Variants in SH3BGRL2 observed in about 807,000 individuals in gnomAD.
SH3BGRL2 encodes the protein SH3 domain-binding glutamic acid-rich-like protein 2.
In SH3BGRL2, 21 loss-of-function variants were observed where a neutral mutation model predicts 14.8. The ratio of observed to expected loss-of-function variants is 1.42; its 90% CI spans 1.01 to 2.05. The LOEUF is 2.05. Ranked by LOEUF, SH3BGRL2 falls within the 30% of genes most tolerant of loss-of-function variation. The probability of loss-of-function intolerance (pLI) is 0.00; values close to 1 mark genes in which losing one functional copy is unlikely to be tolerated. For synonymous variants in SH3BGRL2, 50 were observed against 47.8 expected (o/e 1.05, Z -0.19); for missense variants, 147 against 130.8 (o/e 1.12, Z -0.61).
intron 2 of SH3BGRL2, among the ~76,000 whole-genome samples, chr6:79,686,386 C>T (rs989826365): frequency 6.6e-6 from 1 of 151,714 alleles, no homozygotes; most frequent in African/African-American, 2.4e-5. Flanking sequence ...TGAAGTTTTA[C>T]TCTTATGTTC....
the SH3BGRL2 span, among the ~76,000 whole-genome samples, chr6:79,624,611 A>T: frequency 2.0e-5 from 3 of 152,028 alleles, no homozygotes; most frequent in African/African-American, 7.2e-5. Context: ...GAGTGAACAT[A>T]GCTGCAAGAA....
the SH3BGRL2 span, among the ~76,000 whole-genome samples, chr6:79,614,629 G>GTAT: frequency 1.2e-3 from 186 of 152,262 alleles, 1 homozygote; most frequent in Non-Finnish European, 2.2e-4. Context: ...TGCTGCCACA[G>GTAT]TATTATAGAC....
the SH3BGRL2 span, among the ~76,000 whole-genome samples, chr6:79,550,709 A>T: frequency 6.6e-6 from 1 of 152,156 alleles, no homozygotes; most frequent in Non-Finnish European, 1.5e-5. Context: ...GTTAGTGCAG[A>T]GTATGATCAG....
chr6:79,562,865 A>C, the SH3BGRL2 span, among the ~76,000 whole-genome samples: 1 of 152,224 alleles, frequency 6.6e-6, no homozygotes, highest in African/African-American at 2.4e-5. Flanking sequence ...AAAGTTTACA[A>C]ATTTGTGCTG....
chr6:79,549,871 T>A, the SH3BGRL2 span, among the ~76,000 whole-genome samples: 1 of 152,244 alleles, frequency 6.6e-6, no homozygotes, highest in African/African-American at 2.4e-5. Flanking sequence ...AGTGGGCTAC[T>A]GACAAAAATG....
chr6:79,596,401 C>A, the SH3BGRL2 span, among the ~76,000 whole-genome samples: 1 of 152,162 alleles, frequency 6.6e-6, no homozygotes, highest in African/African-American at 2.4e-5. Context: ...CTCAAACGAT[C>A]ATCCCACCTC....
intron 1 of SH3BGRL2, among the ~76,000 whole-genome samples, chr6:79,653,695 G>T (rs1769348755): frequency 6.6e-6 from 1 of 152,150 alleles, no homozygotes; most frequent in African/African-American, 2.4e-5. Context: ...AAAGAGATGG[G>T]GTATGGAAAA....
At chr6:79,597,005 G>T in the SH3BGRL2 span, among the ~76,000 whole-genome samples, 1 of 152,106 alleles carries the variant, frequency 6.6e-6, no homozygotes, top group African/African-American at 2.4e-5. Flanking sequence ...CGAGGCGGGT[G>T]GATCCAGTGA....
chr6:79,547,471 C>T, the SH3BGRL2 span, among the ~76,000 whole-genome samples: 3 of 152,096 alleles, frequency 2.0e-5, no homozygotes, highest in Non-Finnish European at 2.9e-5. Context: ...AGCCTTGATG[C>T]GCTGGCATCT....
At chr6:79,641,499 G>A (rs552198872) in intron 1 of SH3BGRL2, among the ~76,000 whole-genome samples, 2 of 152,238 alleles carry the variant, frequency 1.3e-5, no homozygotes, top group East Asian at 3.9e-4. Context: ...TATGGTTAAG[G>A]CGGGGGCTGA....
chr6:79,603,779 A>C, the SH3BGRL2 span, among the ~76,000 whole-genome samples: 1 of 152,142 alleles, frequency 6.6e-6, no homozygotes, highest in South Asian at 2.1e-4. Flanking sequence ...GGGTTTTGCC[A>C]GCATTTCATC....
intron 2 of SH3BGRL2, among the ~76,000 whole-genome samples, chr6:79,692,913 T>G (rs1770254288): frequency 6.6e-6 from 1 of 152,212 alleles, no homozygotes; most frequent in Non-Finnish European, 1.5e-5. Context: ...GGTACCTTGA[T>G]GGGGATGGCA....
At chr6:79,631,673 A>T (rs2127721380) in intron 1 of SH3BGRL2, among the ~76,000 whole-genome samples, 167 bp downstream of exon 1, 1 of 148,112 alleles carries the variant, frequency 6.8e-6, no homozygotes, top group African/African-American at 2.5e-5. Flanking sequence ...GAGGGCGGGG[A>T]GGAAAGGTGG....
chr6:79,652,870 TATA>T (rs1312112165), intron 1 of SH3BGRL2, among the ~76,000 whole-genome samples: 1 of 152,212 alleles, frequency 6.6e-6, no homozygotes, highest in Non-Finnish European at 1.5e-5. Context: ...AGACTTATGG[TATA>T]ATAAGTGCTC....
At chr6:79,631,294 T>A, upstream of SH3BGRL2, 1 of 495,322 alleles carries the variant, frequency 2.0e-6, no homozygotes, top group Non-Finnish European at 3.3e-6. Context: ...CGGGCGGCGC[T>A]GGGCTTTTAT....
At chr6:79,570,607 A>G in the SH3BGRL2 span, among the ~76,000 whole-genome samples, 1 of 152,208 alleles carries the variant, frequency 6.6e-6, no homozygotes, top group Non-Finnish European at 1.5e-5. Context: ...GTGATTCACA[A>G]GAAGGTAATT....
chr6:79,589,213 T>C, the SH3BGRL2 span, among the ~76,000 whole-genome samples: 1 of 149,804 alleles, frequency 6.7e-6, no homozygotes, highest in Admixed American at 6.7e-5. Context: ...TATATTTTTT[T>C]TTTTTGATTC....
At chr6:79,620,640 G>C in the SH3BGRL2 span, among the ~76,000 whole-genome samples, 2 of 151,912 alleles carry the variant, frequency 1.3e-5, no homozygotes, top group African/African-American at 4.8e-5. Flanking sequence ...GGTCCTCAGA[G>C]AGAAAAAGAA....
At chr6:79,688,538 G>A (rs1200813919) in intron 2 of SH3BGRL2, among the ~76,000 whole-genome samples, 2 of 152,134 alleles carry the variant, frequency 1.3e-5, no homozygotes, top group Non-Finnish European at 2.9e-5. Flanking sequence ...GCAATCTACA[G>A]ATGTGTATTT....
Sources: allele counts gnomAD v4.1 joint callset (sites outside exome capture counted in the v4.1 genomes callset), GRCh38; gene constraint gnomAD v4.1.1; transcripts MANE v1.5; gene names NCBI Gene and HGNC (gene_info 2026-07-23, HGNC 2026-07-21).